C9orf78: variants seen among roughly 807,000 people sequenced by gnomAD.
C9orf78 encodes the protein chromosome 9 open reading frame 78.
C9orf78 carries 19 observed loss-of-function variants against 37.4 expected under a neutral mutation model. The observed-to-expected ratio is 0.51, with a 90% CI of 0.35 to 0.74. The LOEUF is 0.74. Among genes scored for constraint, C9orf78 ranks in the 30% least tolerant of loss-of-function variants. C9orf78 has a pLI of 0.01. For missense variants in C9orf78, 291 were observed against 370.8 expected (o/e 0.78, Z 1.77); for synonymous variants, 130 against 128.0 (o/e 1.02, Z -0.10).
chr9:129,829,155 C>T, intron 8 of C9orf78, 50 bp downstream of exon 8: 1 of 1,325,278 alleles, frequency 7.5e-7, no homozygotes, highest in Non-Finnish European at 1.1e-6. Flanking sequence ...TCCATGGGTT[C>T]CCACATTGCT....
rs753663441 is a variant in C9orf78, at chr9:129,835,146, CCT to C, written c.74_75del (p.Glu25GlyfsTer42). ...SESEEDEQDS[E>X]EVRLKLEETR... ...GCCCCGCCCCAAACGCACCGAACCT[CCT>C]CTGAGTCCTGCTCATCTTCCTCTGA... On this transcript the variant is annotated frameshift_variant, in exon 1 of 9. Transcript: ENST00000372447. LOFTEE classifies it high-confidence loss of function. 1 of 1,611,322 alleles carries C rather than the reference CCT, an allele frequency of 6.2e-7. No homozygotes were observed. The highest frequency in any genetic ancestry group is 8.5e-7 in the Non-Finnish European group (1 of 1,178,268).
chr9:129,834,560 G>T, intron 2 of C9orf78, 147 bp downstream of exon 2: 2 of 659,088 alleles, frequency 3.0e-6, no homozygotes, highest in African/African-American at 1.8e-5. Flanking sequence ...CATTTGCAAA[G>T]AACGCTGTTC....
At position 129,834,736 on chromosome 9, in the gene C9orf78, C is replaced by G. The variant is rs2031650700; in HGVS notation, c.114G>C (p.Gln38His). The G allele has an allele frequency of 6.2e-7, 1 of 1,612,458 alleles. No individual in the cohort carries two copies. The highest frequency in any genetic ancestry group is 1.3e-5 in the African/African-American group (1 of 74,886). Reference protein sequence around the residue: ...RLKLEETREVQNLRKRPNGVS... With the variant: ...RLKLEETREVHNLRKRPNGVS... ...CCCCGTTGGGCCTCTTCCTCAAGTT[C>G]TGTACCTCTCTGGTCTCTTCCAGTT... Residue 38 changes from glutamine to histidine, a missense_variant, in exon 2 of 9, where the codon CAG becomes CAC. Gln to His is a conservative substitution (Grantham distance 24). Around this residue, in one of 3 missense-constraint regions of C9orf78, gnomAD observed 158 missense variants for 174.8 expected, o/e 0.90. Transcript: ENST00000372447.
At chr9:129,831,603 C>T in intron 5 of C9orf78, 1 of 292,172 alleles carries the variant, frequency 3.4e-6, no homozygotes, top group Non-Finnish European at 6.5e-6. Flanking sequence ...TTTGTATTTT[C>T]AGTAGGGACG....
chr9:129,834,648 C>T lies in C9orf78; in HGVS notation c.143+59G>A, dbSNP rs1168953568. 1.1e-5 allele frequency: 13 copies of T among 1,220,508 alleles called. No homozygotes were observed. The Admixed American group carries it at 1.4e-4, about 13-fold the overall frequency. The allele number at this position is 1,220,508 out of a possible 1,614,324, so 75.6% of individuals were successfully genotyped here. ...TGAGGAGATATTTGTGACAGCGACC[C>T]GGACGCGGATGTGTCTGTCGTCCCC... On this transcript the variant is annotated intron_variant, in intron 2 of 8. Transcript: ENST00000372447.
At chr9:129,834,289 A>C (rs1458335374) in intron 2 of C9orf78, 1 of 189,676 alleles carries the variant, frequency 5.3e-6, no homozygotes, top group Admixed American at 5.7e-5. Context: ...CAGATTGGAA[A>C]GAGTATTCAA....
rs766391642 is a variant in C9orf78 at position 129,835,241 on chromosome 9, T to C, written c.-20A>G. On this transcript the variant is annotated 5_prime_UTR_variant, in exon 1 of 9. Coordinates refer to ENST00000372447, the MANE Select transcript of C9orf78 (RefSeq NM_016520.3). ...CGGCATGGTGACAACGGCCGAGTTG[T>C]ACAGCCGCCGCGCCTCTGCGCAGCG... The C allele has an allele frequency of 1.3e-6, 2 of 1,583,860 alleles. No homozygotes were observed. Among genetic ancestry groups the C allele is most frequent in the South Asian group, 1.1e-5 (1 of 90,494 alleles).
At position 129,833,728 on chromosome 9, in the gene C9orf78, AAAAG is replaced by A. The variant is rs572850208; in HGVS notation, c.144-23_144-20del. The A allele has an allele frequency of 4.9e-4, 787 of 1,596,940 alleles. 4 individuals carry two copies. The African/African-American group carries it at 9.7e-3, about 20-fold the overall frequency. On this transcript the variant is annotated intron_variant, in intron 2 of 8. Coordinates refer to ENST00000372447, the MANE Select transcript of C9orf78 (RefSeq NM_016520.3). ...CACAGCACTGAGCAAAACCAAAAAAAAAAGAGAGGGGGAGAGAGAGAAATGGCAT... is the reference window on the plus strand; with the variant it reads ...CACAGCACTGAGCAAAACCAAAAAAAAGAGGGGGAGAGAGAGAAATGGCAT...
intron 4 of C9orf78, 123 bp from the exon 5 acceptor site, chr9:129,832,096 A>G: frequency 3.2e-6 from 2 of 620,694 alleles, no homozygotes. Context: ...TTGGCAAAAA[A>G]AAAAAAATGC....
rs748451045 is a variant in C9orf78 at position 129,831,937 on chromosome 9, C to T, written c.303G>A (p.Ser101=). The T allele has an allele frequency of 2.5e-6, 4 of 1,592,874 alleles. No homozygotes were observed. The highest frequency in any genetic ancestry group is 2.6e-6 in the Non-Finnish European group (3 of 1,160,944). The change falls in exon 5 of 9, where the codon TCG becomes TCA. Residue 101 remains serine (S), a synonymous_variant. Transcript: ENST00000372447. ...SEEEDLHLGT[S]FSAETNRRDE... ...CCCTTCGGTTGGTTTCTGCAGAAAA[C>T]GATGTCCCCAGGTGCAGGTCCTCCT...
intron 5 of C9orf78, 38 bp downstream of exon 5, chr9:129,831,858 A>C: frequency 1.0e-6 from 1 of 989,422 alleles, no homozygotes; most frequent in Non-Finnish European, 1.6e-6. Context: ...ACTGGAGTCC[A>C]GCCCCAACTG....
intron 4 of C9orf78, among the ~76,000 whole-genome samples, chr9:129,832,299 C>G (rs189316751): frequency 1.6e-4 from 25 of 152,290 alleles, no homozygotes; most frequent in Non-Finnish European, 3.2e-4. Context: ...ATATCTGCAT[C>G]TAACCTACAC....
Position 129,833,650 on chromosome 9 carries a change from T to C in C9orf78, c.195+8A>G, listed in dbSNP as rs1184516513. 1 of 1,602,910 alleles carries C rather than the reference T, an allele frequency of 6.2e-7. No homozygotes were observed. On this transcript the variant is annotated splice_region_variant and intron_variant, in intron 3 of 8. Coordinates refer to ENST00000372447, the MANE Select transcript of C9orf78 (RefSeq NM_016520.3). ...CCATAACTACTCAGGGAAGACCCCA[T>C]AACTTACCACTAGAGTGGTCTCCTC...
Position 129,828,400 on chromosome 9 carries a change from T to C in C9orf78, c.779-148A>G. ...GTGAACACAGTAGGGCCTCAGTAGA[T>C]ACGTATTTGTCTTTTTTTTTTTCTT... On this transcript the variant is annotated intron_variant, in intron 8 of 8. Transcript: ENST00000372447. The C allele has an allele frequency of 5.4e-6, 3 of 550,498 alleles. No individual in the cohort carries two copies. The South Asian group carries it at 5.7e-5, about 11-fold the overall frequency. The allele number at this position is 550,498 out of a possible 1,614,324, so 34.1% of individuals were successfully genotyped here. A position where few individuals can be genotyped will look rare whatever the true frequency, so the allele number is the denominator to read the frequency against.
chr9:129,831,235 G>C (rs2031488668), intron 5 of C9orf78, among the ~76,000 whole-genome samples, 167 bp from the exon 6 acceptor site: 1 of 152,154 alleles, frequency 6.6e-6, no homozygotes. Flanking sequence ...TTCTAAAGAA[G>C]CACCAACCTA....
Position 129,833,013 on chromosome 9 carries a change from G to GTATATATA in C9orf78, c.266+433_266+434insTATATATA, listed in dbSNP as rs34078936. 1.1e-4 allele frequency among the ~76,000 whole-genome samples: 12 copies of GTATATATA among 108,410 alleles called. No homozygotes were observed. The East Asian group carries it at 1.5e-3, about 14-fold the overall frequency. 71.1% of individuals were successfully genotyped at this position (108,410 alleles called of 152,430 possible). On this transcript the variant is annotated intron_variant, in intron 4 of 8. Transcript: ENST00000372447. ...TATATATATATGTGTGTGTGTGTGT[G>GTATATATA]TGTATATGTGTATATACATGTGTGT...
chr9:129,831,676 G>T, intron 5 of C9orf78: 1 of 478,594 alleles, frequency 2.1e-6, no homozygotes, highest in South Asian at 2.4e-5. Flanking sequence ...CACCTGCCTC[G>T]GCCTCCCAAA....
At chr9:129,830,800 G>A (rs1223508727) in intron 6 of C9orf78, 71 bp downstream of exon 6, 17 of 1,089,760 alleles carry the variant, frequency 1.6e-5, no homozygotes, top group African/African-American at 6.2e-5. Context: ...ATGAGCCACC[G>A]TGCCTGGCCT....
chr9:129,835,202 A>C lies in C9orf78; in HGVS notation c.20T>G (p.Ile7Ser), dbSNP rs766946594. The C allele has an allele frequency of 1.2e-6, 2 of 1,610,508 alleles. No homozygotes were observed. Among genetic ancestry groups the C allele is most frequent in the African/African-American group, 2.7e-5 (2 of 74,630 alleles). The change falls in exon 1 of 9, where the codon ATT becomes AGT. Residue 7 changes from isoleucine to serine, a missense_variant. Physicochemically the swap from Ile to Ser is moderately radical, Grantham distance 142. Transcript: ENST00000372447. ...CGAGTCGCCCCGGCGGCGACGGAAA[A>C]TCTTCCGGACGACCGGCATGGTGAC... MPVVRKIFRRRRGDSES... is the reference protein window; with the variant it reads MPVVRKSFRRRRGDSES...
Sources: gnomAD v4.1 joint callset for allele counts (sites outside exome capture counted in the v4.1 genomes callset) on GRCh38, gnomAD v4.1.1 for gene constraint, gnomAD v4.1.1 regional missense constraint, MANE v1.5 for transcripts, NCBI Gene and HGNC (gene_info 2026-07-23, HGNC 2026-07-21) for gene names.